The following HROB variants were observed in gnomAD, a reference collection of about 807,000 sequenced individuals.
HROB encodes the protein homologous recombination OB-fold protein.
In HROB, 44 loss-of-function variants were observed where a neutral mutation model predicts 61.0. The ratio of observed to expected loss-of-function variants is 0.72; its 90% CI spans 0.57 to 0.93. The LOEUF (loss-of-function observed/expected upper bound fraction) is 0.93, where lower values mean the gene tolerates loss of function less well. Ranked by LOEUF, HROB falls within the 40% of genes least tolerant of loss-of-function variation. The pLI is 0.00. For missense variants in HROB, 716 were observed against 796.2 expected (o/e 0.90, Z 1.21); for synonymous variants, 301 against 310.4 (o/e 0.97, Z 0.32).
intron 9 of HROB, among the ~76,000 whole-genome samples, chr17:44,159,008 C>T (rs959650199): frequency 1.3e-5 from 2 of 152,084 alleles, no homozygotes; most frequent in African/African-American, 2.4e-5. Flanking sequence ...AGGCTGGCCT[C>T]GAACTCTTGG....
intron 2 of HROB, among the ~76,000 whole-genome samples, chr17:44,146,703 T>C (rs1019418923): frequency 2.0e-5 from 3 of 152,136 alleles, no homozygotes; most frequent in African/African-American, 7.2e-5. Flanking sequence ...ATTATTATTA[T>C]TGTTGAGTCC....
In HROB at chr17:44,148,999, C is replaced by G. The variant is rs2143924412; in HGVS notation, c.1196C>G (p.Pro399Arg). Residue 399 changes from proline (P) to arginine (R), a missense_variant, in exon 3 of 10, where the codon CCT becomes CGT. Transcript: ENST00000585683. The part of the protein sequence containing the change: ...PSTRAKTRRF[P>R]GPAGILPHQQ... ...ACCCGAGCCAAAACTCGCCGTTTCC[C>G]TGGCCCAGCTGGGATCCTGCCTCAC... The G allele has an allele frequency of 5.0e-6, 8 of 1,613,902 alleles. No individual in the cohort carries two copies. The highest frequency in any genetic ancestry group is 6.8e-6 in the Non-Finnish European group (8 of 1,179,884).
intron 1 of HROB, among the ~76,000 whole-genome samples, chr17:44,144,958 C>T (rs2053569075): frequency 6.6e-6 from 1 of 152,072 alleles, no homozygotes; most frequent in South Asian, 2.1e-4. Context: ...TCAGGAGATC[C>T]ACCTGCCTCG....
chr17:44,143,424 A>G (rs948210083), intron 1 of HROB, among the ~76,000 whole-genome samples: 14 of 152,082 alleles, frequency 9.2e-5, no homozygotes, highest in African/African-American at 3.4e-4. Flanking sequence ...TGGGCAGATC[A>G]CAAGGTCAGG....
intron 7 of HROB, 135 bp downstream of exon 7, chr17:44,155,073 T>TGAGGGAAGG: frequency 7.6e-7 from 1 of 1,320,952 alleles, no homozygotes; most frequent in Non-Finnish European, 1.1e-6. Flanking sequence ...TGGCTTGAGC[T>TGAGGGAAGG]CAGGGAAGGC....
chr17:44,155,538 G>T, intron 8 of HROB, 127 bp downstream of exon 8: 9 of 1,391,482 alleles, frequency 6.5e-6, no homozygotes, highest in Non-Finnish European at 7.6e-6. Context: ...AGGTGAAAAG[G>T]TATCTTTGGG....
intron 7 of HROB, 67 bp from the exon 8 acceptor site, chr17:44,155,219 C>T: frequency 6.3e-7 from 1 of 1,595,820 alleles, no homozygotes; most frequent in South Asian, 1.1e-5. Context: ...CAGGTGGGAG[C>T]CAGGTGTCCA....
At position 44,161,958 on chromosome 17, in the gene HROB, C is replaced by T. The variant is rs2054154643; in HGVS notation, c.*26C>T. 4 of 1,608,164 alleles carry T rather than the reference C, an allele frequency of 2.5e-6. No individual in the cohort carries two copies. In the East Asian group the frequency reaches 6.7e-5, roughly 27 times the overall value. On this transcript the variant is annotated 3_prime_UTR_variant, in exon 10 of 10. Transcript: ENST00000585683. ...GACTGCCCCAACGCAGGACAACCCA[C>T]CATGAGCAGGCAGCTCTGGGCATGT...
chr17:44,148,625 T>C lies in HROB; in HGVS notation c.822T>C (p.Pro274=). 6.2e-7 allele frequency: 1 copy of C among 1,613,662 alleles called. No individual in the cohort carries two copies. Among genetic ancestry groups the C allele is most frequent in the African/African-American group, 1.3e-5 (1 of 75,036 alleles). Residue 274 remains proline, a synonymous_variant, in exon 3 of 10, where the codon CCT becomes CCC. Coordinates refer to ENST00000585683, the MANE Select transcript of HROB (RefSeq NM_001171251.3). ...GGGAAGTCTGTCCGCAACGCTCCCC[T>C]GTTCAAGCACTTCAGCCTCTCCAAG... ...LHWEVCPQRS[P]VQALQPLQAA...
intron 9 of HROB, among the ~76,000 whole-genome samples, chr17:44,160,419 A>C (rs1285847651): frequency 6.6e-6 from 1 of 151,970 alleles, no homozygotes; most frequent in Non-Finnish European, 1.5e-5. Context: ...TACACAAAAA[A>C]TTAGCCAGGC....
At chr17:44,144,436 C>T (rs1251314654) in intron 1 of HROB, among the ~76,000 whole-genome samples, 5 of 152,038 alleles carry the variant, frequency 3.3e-5, no homozygotes, top group South Asian at 2.1e-4. Context: ...CCACCACGCC[C>T]GACCAAATTT....
rs1357494698 is a variant in HROB at position 44,161,860 on chromosome 17, CCT to C, written c.1880-6_1880-5del. On this transcript the variant is annotated splice_polypyrimidine_tract_variant and intron_variant, in intron 9 of 9. Transcript: ENST00000585683. ...TGTCACTAAGGCTACCCATCATTCC[CCT>C]CTCTGTAGATGACCTGGATGGACTC... is the stretch of plus-strand genomic sequence containing the variant. The C allele has an allele frequency of 3.7e-6, 6 of 1,613,554 alleles. No individual in the cohort carries two copies. The highest frequency in any genetic ancestry group is 1.1e-5 in the South Asian group (1 of 91,056).
chr17:44,157,405 C>CTTTTTTTTTTTT (rs71160088), intron 8 of HROB, among the ~76,000 whole-genome samples: 2 of 81,478 alleles, frequency 2.5e-5, no homozygotes, highest in Non-Finnish European at 2.3e-5. Context: ...CATCATGTTT[C>CTTTTTTTTTTTT]TTTTTTTTTT....
intron 8 of HROB, among the ~76,000 whole-genome samples, chr17:44,156,581 A>G (rs1189174861): frequency 6.6e-6 from 1 of 152,222 alleles, no homozygotes; most frequent in East Asian, 1.9e-4. Flanking sequence ...AAAATAGCAC[A>G]GAATAAGCAA....
In HROB at chr17:44,157,880, C is replaced by G. The variant is rs774660991; in HGVS notation, c.1818C>G (p.Gly606=). ...ATGTGGCTGCAAAGCCCGAGGAAGG[C>G]TTCAGAACAGCACAGAACCTAGAGG... ...QHDVAAKPEE[G]FRTAQNLEAE... is the part of the protein sequence containing the mutation. Residue 606 remains glycine (G), a synonymous_variant, in exon 9 of 10, where the codon GGC becomes GGG. Transcript: ENST00000585683. 1 of 1,613,768 alleles carries G rather than the reference C, an allele frequency of 6.2e-7. No homozygotes were observed. The highest frequency in any genetic ancestry group is 8.5e-7 in the Non-Finnish European group (1 of 1,179,830).
Position 44,157,087 on chromosome 17 carries a change from C to T in HROB, c.1771-746C>T, listed in dbSNP as rs562374397. On this transcript the variant is annotated intron_variant, in intron 8 of 9. Transcript: ENST00000585683. ...TGCTGGGATTACAGGTATCAGCCAC[C>T]GTGCCTGGCCTTAATTACCAGTTTT... is the stretch of plus-strand genomic sequence containing the variant. Among the ~76,000 whole-genome samples the T allele has an allele frequency of 4.6e-5, 7 of 152,280 alleles. No homozygotes were observed. The South Asian group carries it at 1.0e-3, about 23-fold the overall frequency.
chr17:44,142,655 G>C (rs2053488189), intron 1 of HROB, among the ~76,000 whole-genome samples: 1 of 151,774 alleles, frequency 6.6e-6, no homozygotes, highest in South Asian at 2.1e-4. Context: ...CACCACCTCT[G>C]ATCTGGGTTT....
At position 44,155,139 on chromosome 17, in the gene HROB, G is replaced by T. The variant is rs1458127437; in HGVS notation, c.1645-147G>T. On this transcript the variant is annotated intron_variant, in intron 7 of 9. Coordinates refer to ENST00000585683, the MANE Select transcript of HROB (RefSeq NM_001171251.3). ...AGGGTGGATAGGGATGGAGGGTTGT[G>T]TTAAGGGGAGATTGTGGCAAATGGT... is the stretch of plus-strand genomic sequence containing the variant. The T allele has an allele frequency of 5.2e-6, 7 of 1,351,962 alleles. No individual in the cohort carries two copies. The East Asian group carries it at 1.6e-4, about 32-fold the overall frequency. The allele number at this position is 1,351,962 out of a possible 1,614,324, so 83.7% of individuals were successfully genotyped here. A position where few individuals can be genotyped will look rare whatever the true frequency, so the allele number is the denominator to read the frequency against.
chr17:44,156,176 C>T (rs1440203227), intron 8 of HROB, among the ~76,000 whole-genome samples: 3 of 152,082 alleles, frequency 2.0e-5, no homozygotes, highest in Non-Finnish European at 4.4e-5. Context: ...TCATCTTTCC[C>T]CTTAGCCCCT....
Sources: allele counts gnomAD v4.1 joint callset (sites outside exome capture counted in the v4.1 genomes callset), GRCh38; gene constraint gnomAD v4.1.1; transcripts MANE v1.5; gene names NCBI Gene and HGNC (gene_info 2026-07-23, HGNC 2026-07-21).